FREM2: variants seen among roughly 807,000 people sequenced by gnomAD.
FREM2 encodes the protein FRAS1 related extracellular matrix 2, also known as FRAS1-related extracellular matrix protein 2.
Under a neutral mutation model 219.9 loss-of-function variants are expected in FREM2, and 119 were observed. That is an observed-to-expected ratio of 0.54 (90% CI 0.47 to 0.63). The LOEUF is 0.63. Among genes scored for constraint, FREM2 ranks in the 30% least tolerant of loss-of-function variants. FREM2 has a pLI of 0.00. For synonymous variants in FREM2, 1,562 were observed against 1,522.8 expected, an observed-to-expected ratio of 1.03 and a Z score of -0.60; for missense variants, 4,030 against 3,993.6, an observed-to-expected ratio of 1.01 and a Z score of -0.25.
At position 38,689,467 on chromosome 13, in the gene FREM2, C is replaced by T. The variant is rs1566103711; in HGVS notation, c.2123C>T (p.Pro708Leu). 6 of 1,613,908 alleles carry T rather than the reference C, an allele frequency of 3.7e-6. No individual in the cohort carries two copies. Among genetic ancestry groups the T allele is most frequent in the Non-Finnish European group, 4.2e-6 (5 of 1,179,986 alleles). Residue 708 changes from proline to leucine, a missense_variant, in exon 1 of 24, where the codon CCC becomes CTC. By Grantham distance (98) the Pro-to-Leu change is moderately conservative. Coordinates refer to ENST00000280481, the MANE Select transcript of FREM2 (RefSeq NM_207361.6). The stretch of plus-strand genomic sequence containing the variant: ...CCTCCGGAGCTGGGCAGTGGCTGTC[C>T]CCTTCGTATGGTGGTACAGGAATCC... ...RLPPELGSGC[P>L]LRMVVQESQL...
chr13:38,726,583 G>C (rs998090348), intron 2 of FREM2, among the ~76,000 whole-genome samples: 14 of 152,062 alleles, frequency 9.2e-5, no homozygotes, highest in Admixed American at 3.9e-4. Flanking sequence ...GTGTAGGGGT[G>C]GGGGCAGGTT....
At chr13:38,777,463 C>T (rs1460275614) in intron 4 of FREM2, among the ~76,000 whole-genome samples, 1 of 152,164 alleles carries the variant, frequency 6.6e-6, no homozygotes, top group Non-Finnish European at 1.5e-5. Flanking sequence ...CCAGCATCAC[C>T]ACCTACCAAC....
intron 3 of FREM2, among the ~76,000 whole-genome samples, chr13:38,767,551 T>A (rs1239830404): frequency 1.3e-5 from 2 of 152,022 alleles, no homozygotes; most frequent in Non-Finnish European, 2.9e-5. Flanking sequence ...AACAGAAAAG[T>A]GAGCAGTAGC....
At chr13:38,810,027 GA>G (rs936124757) in intron 6 of FREM2, among the ~76,000 whole-genome samples, 3 of 151,736 alleles carry the variant, frequency 2.0e-5, no homozygotes, top group African/African-American at 7.3e-5. Flanking sequence ...TTTTGTTGTA[GA>G]GCTCTTTCAT....
intron 6 of FREM2, among the ~76,000 whole-genome samples, chr13:38,805,854 A>G (rs1875206141): frequency 2.6e-5 from 4 of 151,936 alleles, no homozygotes. Context: ...TCAAATAATA[A>G]ATATACCTTT....
At chr13:38,760,125 AT>A (rs1873170861) in intron 2 of FREM2, among the ~76,000 whole-genome samples, 1 of 152,260 alleles carries the variant, frequency 6.6e-6, no homozygotes, top group East Asian at 1.9e-4. Context: ...TAGACTGCAT[AT>A]TTTCTAGTTA....
chr13:38,849,422 C>G (rs1177455904), intron 8 of FREM2, among the ~76,000 whole-genome samples: 2 of 152,158 alleles, frequency 1.3e-5, no homozygotes, highest in Non-Finnish European at 2.9e-5. Context: ...TCTCCTTCCC[C>G]TAGACACTCA....
Position 38,688,335 on chromosome 13 carries a change from G to A in FREM2, c.991G>A (p.Asp331Asn), listed in dbSNP as rs1480551292. ...SFVAMMMMEV[D>N]QFVLTALTPD... Reference sequence around the variant, plus strand: ...CGTGGCCATGATGATGATGGAGGTGGACCAGTTTGTACTGACGGCCCTGAC... The same window carrying A: ...CGTGGCCATGATGATGATGGAGGTGAACCAGTTTGTACTGACGGCCCTGAC... The change falls in exon 1 of 24, where the codon GAC becomes AAC. Residue 331 changes from aspartate to asparagine, a missense_variant. Transcript: ENST00000280481. 6.2e-7 allele frequency: 1 copy of A among 1,614,212 alleles called. No individual in the cohort carries two copies.
In FREM2 at chr13:38,880,437, G is replaced by A; in HGVS notation, c.9160G>A (p.Glu3054Lys). 1 of 1,614,104 alleles carries A rather than the reference G, an allele frequency of 6.2e-7. No individual in the cohort carries two copies. Among genetic ancestry groups the A allele is most frequent in the Non-Finnish European group, 8.5e-7 (1 of 1,180,012 alleles). ...QSTTKSRKKR[E>K]IRSTPSLAWE... ...CACCACCAAGAGCCGGAAGAAGAGA[G>A]AGATCAGGAGCACACCCTCACTGGC... The change falls in exon 24 of 24, where the codon GAG (glutamate) becomes AAG (lysine). Residue 3054 changes from glutamate (E) to lysine (K), a missense_variant. Physicochemically the swap from Glu to Lys is moderately conservative, Grantham distance 56 (BLOSUM62 1). Transcript: ENST00000280481.
chr13:38,735,765 T>C (rs1337805830), intron 2 of FREM2, among the ~76,000 whole-genome samples: 1 of 152,198 alleles, frequency 6.6e-6, no homozygotes, highest in Non-Finnish European at 1.5e-5. Flanking sequence ...CTCCAGGCAG[T>C]GAGCATGGGA....
intron 6 of FREM2, among the ~76,000 whole-genome samples, chr13:38,796,412 T>C (rs545891305): frequency 6.6e-6 from 1 of 152,296 alleles, no homozygotes; most frequent in Non-Finnish European, 1.5e-5. Flanking sequence ...AACTTTTTGG[T>C]TGTTGTCATG....
chr13:38,848,183 C>G (rs1877233533), intron 7 of FREM2, among the ~76,000 whole-genome samples: 1 of 152,142 alleles, frequency 6.6e-6, no homozygotes. Flanking sequence ...AATTTTCAAA[C>G]TAAAGTTAGA....
chr13:38,799,882 T>G (rs1386737547), intron 6 of FREM2, among the ~76,000 whole-genome samples: 1 of 152,138 alleles, frequency 6.6e-6, no homozygotes, highest in Admixed American at 6.5e-5. Flanking sequence ...AGTGCATTTC[T>G]TATAGGCAGC....
At chr13:38,781,796 C>T (rs192108964) in intron 4 of FREM2, among the ~76,000 whole-genome samples, 1 of 152,246 alleles carries the variant, frequency 6.6e-6, no homozygotes, top group Admixed American at 6.5e-5. Context: ...TGGTAAAATG[C>T]TTCGAGGCTA....
intron 6 of FREM2, among the ~76,000 whole-genome samples, chr13:38,818,553 A>C (rs895072084): frequency 2.0e-5 from 3 of 152,116 alleles, no homozygotes; most frequent in Non-Finnish European, 4.4e-5. Flanking sequence ...GAGAAAGGAG[A>C]GGTAGATGGA....
chr13:38,753,035 A>G (rs976219631), intron 2 of FREM2, among the ~76,000 whole-genome samples: 7 of 152,198 alleles, frequency 4.6e-5, no homozygotes, highest in Non-Finnish European at 8.8e-5. Flanking sequence ...CAGGCAGTGC[A>G]TGCACGAAAT....
intron 2 of FREM2, among the ~76,000 whole-genome samples, chr13:38,747,497 TACAC>T (rs35415652): frequency 0.22 from 32,533 of 146,502 alleles, 3,677 homozygotes; most frequent in Non-Finnish European, 0.26. Flanking sequence ...TATACACAAA[TACAC>T]ACACACACAC....
chr13:38,879,603 C>G (rs1402237105), intron 23 of FREM2, among the ~76,000 whole-genome samples: 1 of 152,134 alleles, frequency 6.6e-6, no homozygotes, highest in African/African-American at 2.4e-5. Context: ...AAAATTAACC[C>G]GACAGGATGG....
chr13:38,876,444 AG>A, intron 20 of FREM2, 62 bp downstream of exon 20: 2 of 1,321,578 alleles, frequency 1.5e-6, no homozygotes, highest in African/African-American at 1.6e-5. Flanking sequence ...TTCATTTATT[AG>A]TAAAAAAAAA....
Sources: gnomAD v4.1 joint callset for allele counts (sites outside exome capture counted in the v4.1 genomes callset) on GRCh38, gnomAD v4.1.1 for gene constraint, MANE v1.5 for transcripts, NCBI Gene and HGNC (gene_info 2026-07-23, HGNC 2026-07-21) for gene names.